Variants in VPS53 observed in about 807,000 individuals in gnomAD.
VPS53 encodes the protein VPS53 subunit of GARP complex, also known as vacuolar protein sorting-associated protein 53 homolog.
VPS53 carries 70 observed loss-of-function variants against 107.0 expected under a neutral mutation model. That is an observed-to-expected ratio of 0.65 (90% CI 0.54 to 0.80). The LOEUF (loss-of-function observed/expected upper bound fraction) is 0.80. VPS53 is among the 30% of genes least tolerant of loss of function. The pLI is 0.00. For synonymous variants in VPS53, 409 were observed against 393.3 expected, an observed-to-expected ratio of 1.04 and a Z score of -0.47; for missense variants, 917 against 1,049.4, an observed-to-expected ratio of 0.87 and a Z score of 1.74.
intron 13 of VPS53, among the ~76,000 whole-genome samples, chr17:575,997 C>T (rs1448523927): frequency 6.6e-6 from 1 of 151,686 alleles, no homozygotes; most frequent in East Asian, 2.0e-4. Flanking sequence ...CGCAGAGAAC[C>T]TCCCTCAGAA....
chr17:707,483 G>C (rs888184916), intron 2 of VPS53, among the ~76,000 whole-genome samples: 1 of 146,246 alleles, frequency 6.8e-6, no homozygotes, highest in African/African-American at 2.5e-5. Flanking sequence ...TCATGCCATT[G>C]CACTCCAGCC....
chr17:583,460 G>C (rs1039219450), intron 13 of VPS53, among the ~76,000 whole-genome samples: 2 of 145,076 alleles, frequency 1.4e-5, no homozygotes, highest in Non-Finnish European at 3.0e-5. Flanking sequence ...TGCGTTCCCA[G>C]AGAACCTTCC....
chr17:556,110 C>G (rs756268755), intron 15 of VPS53, among the ~76,000 whole-genome samples: 1 of 152,034 alleles, frequency 6.6e-6, no homozygotes, highest in Non-Finnish European at 1.5e-5. Flanking sequence ...GACCCTATCT[C>G]TACAAAAAAT....
intron 15 of VPS53, 150 bp from the exon 16 acceptor site, chr17:553,612 C>G (rs913016603): frequency 3.0e-6 from 2 of 662,814 alleles, no homozygotes; most frequent in South Asian, 3.9e-5. Flanking sequence ...CTCTTGTTGC[C>G]TAGGCTGGAG....
intron 15 of VPS53, among the ~76,000 whole-genome samples, chr17:555,767 G>A (rs1371782059): frequency 6.6e-6 from 1 of 152,176 alleles, no homozygotes; most frequent in East Asian, 1.9e-4. Context: ...TCATTATGAT[G>A]TAGTTTTCTG....
chr17:626,030 CTT>C (rs1216429774), intron 10 of VPS53, among the ~76,000 whole-genome samples: 2 of 152,216 alleles, frequency 1.3e-5, no homozygotes, highest in South Asian at 2.1e-4. Flanking sequence ...CAGCAAAACT[CTT>C]GTCTCTACAA....
chr17:574,733 C>T (rs979177447), intron 13 of VPS53, among the ~76,000 whole-genome samples: 1 of 152,050 alleles, frequency 6.6e-6, no homozygotes, highest in Non-Finnish European at 1.5e-5. Flanking sequence ...CCTCTGTACT[C>T]CATCTTAGCT....
intron 4 of VPS53, among the ~76,000 whole-genome samples, chr17:684,751 C>A (rs1972523014): frequency 6.6e-6 from 1 of 151,954 alleles, no homozygotes; most frequent in Non-Finnish European, 1.5e-5. Context: ...TTTTGGGAGG[C>A]CGAGGCGAGT....
chr17:572,304 C>T lies in VPS53; in HGVS notation c.1314-9559G>A, dbSNP rs1219806732. On this transcript the variant is annotated intron_variant, in intron 13 of 21. Transcript: ENST00000437048. ...CTGAGAAGGGAGGAGACCCTCTGCC[C>T]GGCAACCGCCCCGTCTGAGAAGTGA... Among the ~76,000 whole-genome samples the T allele has an allele frequency of 2.1e-4, 29 of 140,718 alleles. 1 individual carries two copies. Among genetic ancestry groups the T allele is most frequent in the Middle Eastern group, 3.8e-3 (1 of 260 alleles). The allele number at this position is 140,718 out of a possible 152,430, so 92.3% of individuals were successfully genotyped here.
At chr17:656,468 G>A (rs1971190979) in intron 5 of VPS53, among the ~76,000 whole-genome samples, 1 of 152,172 alleles carries the variant, frequency 6.6e-6, no homozygotes. Flanking sequence ...TAACATGTAA[G>A]TTACTAGGAG....
intron 7 of VPS53, among the ~76,000 whole-genome samples, chr17:648,331 T>G (rs986689380): frequency 1.3e-5 from 2 of 152,178 alleles, no homozygotes; most frequent in Non-Finnish European, 2.9e-5. Context: ...GTGGATCACT[T>G]GAGGTGTCAA....
chr17:537,138 G>A lies in VPS53; in HGVS notation c.1905C>T (p.Ser635=). ...WQNVEHVGDQ[S]PYVTSVILHI... ...GCAGAATGACAGAGGTGACGTAGGG[G>A]CTCTGGTCACCAACGTGCTCCACGT... The change falls in exon 18 of 22, where the codon AGC becomes AGT. Residue 635 remains serine, a synonymous_variant. Transcript: ENST00000437048. 6.2e-7 allele frequency: 1 copy of A among 1,614,110 alleles called. No individual in the cohort carries two copies. Among genetic ancestry groups the A allele is most frequent in the Non-Finnish European group, 8.5e-7 (1 of 1,180,032 alleles).
intron 12 of VPS53, among the ~76,000 whole-genome samples, chr17:587,354 C>T (rs770204926): frequency 1.8e-4 from 28 of 152,230 alleles, no homozygotes; most frequent in Non-Finnish European, 2.1e-4. Flanking sequence ...TGAGGCATGG[C>T]GCCCAGCCAG....
At chr17:556,733 C>T (rs73972679) in intron 15 of VPS53, among the ~76,000 whole-genome samples, 2,063 of 152,206 alleles carry the variant, frequency 0.014, 46 homozygotes, top group African/African-American at 0.046. Context: ...TGCTAATGAA[C>T]AGAGGTGAAC....
intron 11 of VPS53, among the ~76,000 whole-genome samples, chr17:609,343 C>G (rs1256719582): frequency 2.0e-5 from 3 of 152,210 alleles, no homozygotes; most frequent in Non-Finnish European, 4.4e-5. Flanking sequence ...ATTCCTTTTA[C>G]GTGAATAATA....
intron 14 of VPS53, 72 bp from the exon 15 acceptor site, chr17:560,645 T>G: frequency 6.5e-7 from 1 of 1,547,584 alleles, no homozygotes; most frequent in South Asian, 1.2e-5. Context: ...ACTACATTAT[T>G]TTAAGATACA....
At chr17:587,187 T>G (rs550913382) in intron 12 of VPS53, among the ~76,000 whole-genome samples, 14 of 152,236 alleles carry the variant, frequency 9.2e-5, no homozygotes, top group African/African-American at 3.4e-4. Context: ...CTCAGCCTCC[T>G]AAGTAGCTGG....
At chr17:623,761 GA>G (rs796918052) in intron 10 of VPS53, 87 bp from the exon 11 acceptor site, 688 of 1,251,154 alleles carry the variant, frequency 5.5e-4, no homozygotes, top group South Asian at 1.4e-3. Flanking sequence ...CTTATATTCA[GA>G]AAAAAAAAAT....
At chr17:558,076 T>A (rs189784942) in intron 15 of VPS53, among the ~76,000 whole-genome samples, 2 of 152,238 alleles carry the variant, frequency 1.3e-5, no homozygotes, top group African/African-American at 4.8e-5. Context: ...CCCAGGCTGG[T>A]CTTGGACTAT....
Sources: allele counts gnomAD v4.1 joint callset (sites outside exome capture counted in the v4.1 genomes callset), GRCh38; gene constraint gnomAD v4.1.1; transcripts MANE v1.5; gene names NCBI Gene and HGNC (gene_info 2026-07-23, HGNC 2026-07-21).